MNAT1: variants seen among roughly 807,000 people sequenced by gnomAD.
MNAT1 encodes CDK-activating kinase assembly factor MAT1.
A neutral mutation model predicts 42.0 loss-of-function variants in MNAT1; 43 were observed. The ratio of observed to expected loss-of-function variants is 1.02; its 90% CI spans 0.80 to 1.32. MNAT1 has a LOEUF of 1.32. Ranked by LOEUF, MNAT1 falls within the 40% of genes most tolerant of loss-of-function variation. The pLI is 0.00. For missense variants in MNAT1, 306 were observed against 350.4 expected (o/e 0.87, Z 1.01); for synonymous variants, 118 against 120.0 (o/e 0.98, Z 0.11).
At chr14:60,908,126 G>A (rs900970764) in intron 7 of MNAT1, among the ~76,000 whole-genome samples, 1 of 152,022 alleles carries the variant, frequency 6.6e-6, no homozygotes, top group Non-Finnish European at 1.5e-5. Context: ...AAATTATAAT[G>A]TGATAGTCCA....
intron 6 of MNAT1, among the ~76,000 whole-genome samples, chr14:60,848,788 T>C (rs2033745805): frequency 6.6e-6 from 1 of 152,188 alleles, no homozygotes; most frequent in Non-Finnish European, 1.5e-5. Context: ...GACTATATAA[T>C]CTTAATAAGA....
In MNAT1 at chr14:60,734,857, AC is replaced by A; in HGVS notation, c.-4del. On this transcript the variant is annotated 5_prime_UTR_variant, in exon 1 of 8. Coordinates refer to ENST00000261245, the MANE Select transcript of MNAT1 (RefSeq NM_002431.4). This position sits in a 1 kb window ranked among gnomAD's most constrained non-coding sequence, Gnocchi z 4.3. Reference sequence around the variant, plus strand: ...GCCTGCGAGAGTCTGTAGGAGGGAAACCGCCATGGACGATCAGGGTTGCCCT... The same window carrying A: ...GCCTGCGAGAGTCTGTAGGAGGGAAACGCCATGGACGATCAGGGTTGCCCT... 6.2e-7 allele frequency: 1 copy of A among 1,613,856 alleles called. No homozygotes were observed. Among genetic ancestry groups the A allele is most frequent in the Non-Finnish European group, 8.5e-7 (1 of 1,179,882 alleles).
At chr14:60,773,236 C>CT (rs2031130074) in intron 1 of MNAT1, among the ~76,000 whole-genome samples, 2 of 152,128 alleles carry the variant, frequency 1.3e-5, no homozygotes, top group East Asian at 3.8e-4. Flanking sequence ...CACGCCTGGC[C>CT]TGTTTTTTAT....
At position 60,824,346 on chromosome 14, in the gene MNAT1, C is replaced by CTATTAGGTTAAACATTATTGTTTAT. The variant is rs1336019330; in HGVS notation, c.687+5509_687+5510insAACATTATTGTTTATTATTAGGTTA. The stretch of plus-strand genomic sequence containing the variant: ...ACCTTGTTTGTCATATGTGTACTAG[C>CTATTAGGTTAAACATTATTGTTTAT]TATTAGGTTATAAACATCTTGAGGG... On this transcript the variant is annotated intron_variant, in intron 6 of 7. Transcript: ENST00000261245. Among the ~76,000 whole-genome samples the CTATTAGGTTAAACATTATTGTTTAT allele has an allele frequency of 2.0e-4, 30 of 152,180 alleles. No homozygotes were observed. The East Asian group carries it at 5.6e-3, about 28-fold the overall frequency.
At chr14:60,783,970 C>T (rs930738566) in intron 1 of MNAT1, among the ~76,000 whole-genome samples, 1 of 152,044 alleles carries the variant, frequency 6.6e-6, no homozygotes, top group Non-Finnish European at 1.5e-5. Flanking sequence ...GCTGGGACTA[C>T]AGGCCACTAT....
At chr14:60,860,866 A>G (rs1028710291) in intron 6 of MNAT1, among the ~76,000 whole-genome samples, 1 of 152,162 alleles carries the variant, frequency 6.6e-6, no homozygotes, top group Non-Finnish European at 1.5e-5. Flanking sequence ...TAAATATAGA[A>G]TAAGATTGTT....
chr14:60,823,148 G>A (rs890007960), intron 6 of MNAT1, among the ~76,000 whole-genome samples: 2 of 152,172 alleles, frequency 1.3e-5, no homozygotes, highest in African/African-American at 4.8e-5. Context: ...ATTGGATGAA[G>A]AGGTGGGTCT....
At chr14:60,748,676 G>T (rs2029937321) in intron 1 of MNAT1, among the ~76,000 whole-genome samples, 1 of 152,166 alleles carries the variant, frequency 6.6e-6, no homozygotes, top group Admixed American at 6.5e-5. Context: ...TCATTGGAGA[G>T]TCTTCGAGAG....
At chr14:60,963,426 C>A (rs2036631542) in intron 7 of MNAT1, among the ~76,000 whole-genome samples, 2 of 152,198 alleles carry the variant, frequency 1.3e-5, no homozygotes, top group South Asian at 4.1e-4. Context: ...TAGTTTAAGA[C>A]ACCTAACCAT....
intron 7 of MNAT1, among the ~76,000 whole-genome samples, chr14:60,890,703 G>A (rs1369693422): frequency 4.6e-5 from 7 of 152,210 alleles, no homozygotes; most frequent in Admixed American, 4.6e-4. Context: ...AGGACAGAAA[G>A]CATCCAGCAT....
intron 6 of MNAT1, among the ~76,000 whole-genome samples, chr14:60,832,186 A>C (rs1566785615): frequency 6.6e-6 from 1 of 152,234 alleles, no homozygotes; most frequent in Admixed American, 6.5e-5. Context: ...TAGTTTGATT[A>C]GATCCCAATT....
chr14:60,940,099 A>C (rs949090960), intron 7 of MNAT1, among the ~76,000 whole-genome samples: 11 of 151,974 alleles, frequency 7.2e-5, no homozygotes, highest in Admixed American at 3.9e-4. Flanking sequence ...ATCTTCCTCC[A>C]TCCCTTTATT....
At chr14:60,754,625 AG>A (rs2030257662) in intron 1 of MNAT1, among the ~76,000 whole-genome samples, 1 of 152,128 alleles carries the variant, frequency 6.6e-6, no homozygotes, top group African/African-American at 2.4e-5. Context: ...CTGGGATTAT[AG>A]GCGTGAGCCA....
chr14:60,849,329 A>G (rs187473294), intron 6 of MNAT1, among the ~76,000 whole-genome samples: 4 of 152,306 alleles, frequency 2.6e-5, no homozygotes, highest in African/African-American at 9.6e-5. Context: ...ATTGCTTAAC[A>G]ATATATTTGG....
chr14:60,962,237 C>T (rs1468518239), intron 7 of MNAT1, among the ~76,000 whole-genome samples: 1 of 152,094 alleles, frequency 6.6e-6, no homozygotes, highest in Non-Finnish European at 1.5e-5. Context: ...ATTAGACAAA[C>T]ATTGTATTAA....
chr14:60,841,127 C>A (rs758423296), intron 6 of MNAT1, among the ~76,000 whole-genome samples: 1 of 151,730 alleles, frequency 6.6e-6, no homozygotes. Context: ...GATTCTCTCT[C>A]TCTCTCTTTC....
chr14:60,784,706 G>A (rs1005068899), intron 1 of MNAT1, among the ~76,000 whole-genome samples: 3 of 151,230 alleles, frequency 2.0e-5, no homozygotes, highest in African/African-American at 7.3e-5. Flanking sequence ...TTTGTGATCC[G>A]CCCACCTCGG....
chr14:60,808,565 T>C (rs2032450209), intron 4 of MNAT1, 137 bp downstream of exon 4: 1 of 577,464 alleles, frequency 1.7e-6, no homozygotes, highest in Non-Finnish European at 3.0e-6. Flanking sequence ...AATATGAATA[T>C]ATGCTGTATA....
rs953441243 is a variant in MNAT1, at chr14:60,969,696, C to T, written c.*1347C>T. ...AACTGAGGATTAGTGTTTTTAAGTACAGTCTATAAATCTGTTCAAAGAATA... is the reference window on the plus strand; with the variant it reads ...AACTGAGGATTAGTGTTTTTAAGTATAGTCTATAAATCTGTTCAAAGAATA... On this transcript the variant is annotated 3_prime_UTR_variant, in exon 8 of 8. Coordinates refer to ENST00000261245, the MANE Select transcript of MNAT1 (RefSeq NM_002431.4). The T allele has an allele frequency of 2.0e-5, 3 of 151,862 alleles. No homozygotes were observed. Among genetic ancestry groups the T allele is most frequent in the Non-Finnish European group, 2.9e-5 (2 of 67,978 alleles). 9.4% of individuals were successfully genotyped at this position (151,862 alleles called of 1,614,324 possible).
Sources: allele counts gnomAD v4.1 joint callset (sites outside exome capture counted in the v4.1 genomes callset), GRCh38; gene constraint gnomAD v4.1.1; non-coding constraint Gnocchi (gnomAD v3.1); transcripts MANE v1.5; gene names NCBI Gene and HGNC (gene_info 2026-07-23, HGNC 2026-07-21).